The following ADGRA3 variants were observed in gnomAD, a reference collection of about 807,000 sequenced individuals.
ADGRA3 encodes G-protein coupled receptor 125.
A neutral mutation model predicts 119.8 loss-of-function variants in ADGRA3; 56 were observed. The observed-to-expected ratio is 0.47, with a 90% confidence interval of 0.38 to 0.58. The LOEUF (loss-of-function observed/expected upper bound fraction) is 0.58. Ranked by LOEUF, ADGRA3 falls within the 20% of genes least tolerant of loss-of-function variation. The pLI is 0.00. For synonymous variants in ADGRA3, 607 were observed against 623.8 expected (o/e 0.97, Z 0.40); for missense variants, 1,516 against 1,649.0 (o/e 0.92, Z 1.40).
chr4:22,430,964 C>G (rs1716142636), intron 10 of ADGRA3, among the ~76,000 whole-genome samples: 1 of 152,204 alleles, frequency 6.6e-6, no homozygotes, highest in Admixed American at 6.5e-5. Flanking sequence ...ACCCCCAAGC[C>G]TTGGCAGCTT....
intron 1 of ADGRA3, among the ~76,000 whole-genome samples, chr4:22,503,210 G>A (rs185189082): frequency 1.4e-3 from 208 of 152,270 alleles, no homozygotes; most frequent in Non-Finnish European, 2.6e-3. Context: ...CAAAGGATGA[G>A]TTTACATTTG....
chr4:22,436,381 T>C (rs2109061903), intron 9 of ADGRA3, 59 bp downstream of exon 9: 1 of 1,350,666 alleles, frequency 7.4e-7, no homozygotes, highest in East Asian at 2.3e-5. Context: ...ACTTATGTAT[T>C]TGGTTTGAAT....
At chr4:22,506,967 G>A (rs535088623) in intron 1 of ADGRA3, among the ~76,000 whole-genome samples, 129 of 152,286 alleles carry the variant, frequency 8.5e-4, no homozygotes, top group African/African-American at 2.9e-3. Context: ...GCCAGGTGCA[G>A]TGGCTCACAG....
At chr4:22,404,900 C>CA (rs1456241039) in intron 14 of ADGRA3, among the ~76,000 whole-genome samples, 1 of 152,116 alleles carries the variant, frequency 6.6e-6, no homozygotes. Context: ...GCTTCTATTC[C>CA]AGTACAGAAC....
intron 1 of ADGRA3, among the ~76,000 whole-genome samples, chr4:22,482,168 C>A (rs1265618942): frequency 3.3e-5 from 5 of 152,156 alleles, no homozygotes; most frequent in Non-Finnish European, 7.3e-5. Context: ...TGTTGTAACA[C>A]TTCTCATTAT....
chr4:22,455,740 A>G, intron 3 of ADGRA3: 2 of 916,478 alleles, frequency 2.2e-6, no homozygotes, highest in Non-Finnish European at 3.0e-6. Flanking sequence ...ATTTAATCAG[A>G]CACCTGCACT....
chr4:22,482,061 C>A (rs1020932799), intron 1 of ADGRA3, among the ~76,000 whole-genome samples: 7 of 152,260 alleles, frequency 4.6e-5, no homozygotes, highest in Non-Finnish European at 1.0e-4. Context: ...TGATTGGATG[C>A]ATTGACTCAT....
intron 16 of ADGRA3, 27 bp from the exon 17 acceptor site, chr4:22,392,717 A>G (rs1388447694): frequency 1.3e-6 from 2 of 1,585,874 alleles, no homozygotes; most frequent in Non-Finnish European, 1.7e-6. Context: ...AGAATAAATA[A>G]AAGAAAAAAA....
In ADGRA3 at chr4:22,448,707, C is replaced by A. The variant is rs369891151; in HGVS notation, c.474-1196G>T. ...ATATCACACAATGGCCAACACTTTACAAATTAACCTCCAATGACCTTCAGC... is the reference window on the plus strand; with the variant it reads ...ATATCACACAATGGCCAACACTTTAAAAATTAACCTCCAATGACCTTCAGC... On this transcript the variant is annotated intron_variant, in intron 4 of 18. Transcript: ENST00000334304. Among the ~76,000 whole-genome samples the A allele has an allele frequency of 4.4e-4, 67 of 152,296 alleles. No individual in the cohort carries two copies. In the East Asian group the frequency reaches 0.013, roughly 29 times the overall value.
Position 22,421,094 on chromosome 4 carries a change from A to C in ADGRA3, c.1606-5T>G, listed in dbSNP as rs1396742295. ...CAGAGCAATATTGGGTGAATACTTG[A>C]AAAGTCAATCAAACAGGAGTTATGA... is the stretch of plus-strand genomic sequence containing the variant. On this transcript the variant is annotated splice_polypyrimidine_tract_variant and splice_region_variant and intron_variant, in intron 11 of 18. Transcript: ENST00000334304. 1 of 1,611,446 alleles carries C rather than the reference A, an allele frequency of 6.2e-7. No individual in the cohort carries two copies. Among genetic ancestry groups the C allele is most frequent in the South Asian group, 1.1e-5 (1 of 90,846 alleles).
At chr4:22,484,869 C>G (rs975366191) in intron 1 of ADGRA3, among the ~76,000 whole-genome samples, 2 of 151,644 alleles carry the variant, frequency 1.3e-5, no homozygotes, top group Middle Eastern at 3.4e-3. Context: ...ATTGTTTAGG[C>G]TGCCTTTTTT....
At position 22,515,925 on chromosome 4, in the gene ADGRA3, C is replaced by T; in HGVS notation, c.-141G>A. Reference sequence around the variant, plus strand: ...GCCGGAGGACGGGCCTTCCCCGGCGCGGACATGCTCCTTTGTCCGCTGCGG... The same window carrying T: ...GCCGGAGGACGGGCCTTCCCCGGCGTGGACATGCTCCTTTGTCCGCTGCGG... On this transcript the variant is annotated 5_prime_UTR_variant, in exon 1 of 19. Transcript: ENST00000334304. The T allele has an allele frequency of 4.8e-6, 2 of 417,906 alleles. No individual in the cohort carries two copies. Among genetic ancestry groups the T allele is most frequent in the Non-Finnish European group, 6.4e-6 (2 of 311,722 alleles). The allele number at this position is 417,906 out of a possible 1,614,324, so 25.9% of individuals were successfully genotyped here. A position where few individuals can be genotyped will look rare whatever the true frequency, so the allele number is the denominator to read the frequency against.
chr4:22,446,513 G>A (rs1716834482), intron 5 of ADGRA3, among the ~76,000 whole-genome samples: 1 of 152,116 alleles, frequency 6.6e-6, no homozygotes, highest in African/African-American at 2.4e-5. Context: ...AGAGAAACAA[G>A]ATGGAGTATG....
At chr4:22,476,582 A>G (rs1473689602) in intron 1 of ADGRA3, among the ~76,000 whole-genome samples, 1 of 152,200 alleles carries the variant, frequency 6.6e-6, no homozygotes, top group East Asian at 1.9e-4. Context: ...GTCAAAAATA[A>G]TAATAATTGG....
chr4:22,448,878 T>C (rs896538570), intron 4 of ADGRA3, among the ~76,000 whole-genome samples: 6 of 152,322 alleles, frequency 3.9e-5, no homozygotes, highest in Admixed American at 2.0e-4. Context: ...AAGTCTTTTA[T>C]TTTTGGCCTA....
chr4:22,387,902 C>T lies in ADGRA3; in HGVS notation c.3769G>A (p.Val1257Ile), dbSNP rs1577315686. The T allele has an allele frequency of 6.2e-7, 1 of 1,614,128 alleles. No individual in the cohort carries two copies. Among genetic ancestry groups the T allele is most frequent in the Non-Finnish European group, 8.5e-7 (1 of 1,179,998 alleles). Residue 1257 changes from valine (V) to isoleucine (I), a missense_variant, in exon 19 of 19, where the codon GTT becomes ATT. Around this residue, in one of 2 missense-constraint regions of ADGRA3, gnomAD observed 1,088 missense variants for 1,107.1 expected, o/e 0.98. Coordinates refer to ENST00000334304, the MANE Select transcript of ADGRA3 (RefSeq NM_145290.4). The stretch of plus-strand genomic sequence containing the variant: ...GCATCTTTTTTACTAGTGGTTGAAA[C>T]TGGCTTTTCAAAATTTCTGCTACTT... ...PKSSRNFEKP[V>I]STTSKKDALR...
intron 2 of ADGRA3, among the ~76,000 whole-genome samples, chr4:22,470,361 T>C (rs528046718): frequency 6.9e-5 from 10 of 144,362 alleles, no homozygotes; most frequent in African/African-American, 2.3e-4. Context: ...CCTATGAAAA[T>C]AAAGCACACA....
chr4:22,465,377 A>C (rs2109107721), intron 2 of ADGRA3, among the ~76,000 whole-genome samples: 1 of 152,174 alleles, frequency 6.6e-6, no homozygotes, highest in East Asian at 1.9e-4. Context: ...GTCTAACTAA[A>C]CCTAGGACTT....
At chr4:22,391,412 C>T (rs768798160) in intron 17 of ADGRA3, among the ~76,000 whole-genome samples, 4 of 152,118 alleles carry the variant, frequency 2.6e-5, no homozygotes, top group Non-Finnish European at 4.4e-5. Context: ...AGACAACTTG[C>T]AGCCATCTTC....
Sources: allele counts gnomAD v4.1 joint callset (sites outside exome capture counted in the v4.1 genomes callset), GRCh38; gene constraint gnomAD v4.1.1; regional missense constraint gnomAD v4.1.1; transcripts MANE v1.5; gene names NCBI Gene and HGNC (gene_info 2026-07-23, HGNC 2026-07-21).